The following CADM1 variants were observed in gnomAD, a reference collection of about 807,000 sequenced individuals.
CADM1 encodes the protein TSLC-1.
In CADM1, 15 loss-of-function variants were observed where a neutral mutation model predicts 53.1. The ratio of observed to expected loss-of-function variants is 0.28; its 90% CI spans 0.19 to 0.44. CADM1 has a LOEUF of 0.44. Ranked by LOEUF, CADM1 falls within the 20% of genes least tolerant of loss-of-function variation. The pLI is 1.00. For synonymous variants in CADM1, 281 were observed against 243.0 expected, an observed-to-expected ratio of 1.16 and a Z score of -1.45; for missense variants, 434 against 611.3, an observed-to-expected ratio of 0.71 and a Z score of 3.06.
intron 6 of CADM1, 32 bp from the exon 7 acceptor site, chr11:115,214,812 A>C: frequency 6.2e-7 from 1 of 1,608,204 alleles, no homozygotes; most frequent in Non-Finnish European, 8.5e-7. Context: ...GACAAGTCAC[A>C]TTATCATTCC....
At chr11:115,266,321 A>G (rs1435292453) in intron 1 of CADM1, among the ~76,000 whole-genome samples, 1 of 152,226 alleles carries the variant, frequency 6.6e-6, no homozygotes, top group Non-Finnish European at 1.5e-5. Flanking sequence ...ATAAACCAGC[A>G]TTTACAATGC....
chr11:115,328,403 T>C (rs1945015204), intron 1 of CADM1, among the ~76,000 whole-genome samples: 1 of 151,926 alleles, frequency 6.6e-6, no homozygotes, highest in African/African-American at 2.4e-5. Context: ...AAGTTATTGT[T>C]TGTAGATGAA....
intron 1 of CADM1, among the ~76,000 whole-genome samples, chr11:115,314,108 T>C (rs1288311445): frequency 7.5e-6 from 1 of 133,440 alleles, no homozygotes. Context: ...GGTCAACAAG[T>C]GAGTCCACTG....
At chr11:115,479,624 G>A (rs1026152412) in intron 1 of CADM1, among the ~76,000 whole-genome samples, 2 of 152,110 alleles carry the variant, frequency 1.3e-5, no homozygotes, top group Non-Finnish European at 2.9e-5. Flanking sequence ...AGTTACCAGG[G>A]CAACCATAAC....
intron 1 of CADM1, among the ~76,000 whole-genome samples, chr11:115,419,418 T>A (rs1277332882): frequency 1.3e-5 from 2 of 152,144 alleles, no homozygotes; most frequent in Admixed American, 6.6e-5. Flanking sequence ...ATCCAAAAAG[T>A]TTGTTTGTGA....
intron 1 of CADM1, among the ~76,000 whole-genome samples, chr11:115,414,302 T>C (rs1408184992): frequency 2.0e-5 from 3 of 152,180 alleles, no homozygotes; most frequent in African/African-American, 4.8e-5. Flanking sequence ...CCTAGTTATC[T>C]TAATATTCAT....
intron 1 of CADM1, among the ~76,000 whole-genome samples, chr11:115,267,033 T>C (rs927677390): frequency 2.6e-5 from 4 of 152,240 alleles, no homozygotes; most frequent in African/African-American, 9.6e-5. Flanking sequence ...CCTTTAACAA[T>C]TATGCACTGC....
At position 115,175,427 on chromosome 11, in the gene CADM1, G is replaced by C. The variant is rs1938983011; in HGVS notation, c.*1047C>G. 1 of 984,794 alleles carries C rather than the reference G, an allele frequency of 1.0e-6. No individual in the cohort carries two copies. Among genetic ancestry groups the C allele is most frequent in the South Asian group, 4.7e-5 (1 of 21,222 alleles). The allele number at this position is 984,794 out of a possible 1,614,324, so 61.0% of individuals were successfully genotyped here. ...CCATTCAGTCATTCGCACAACAGAC[G>C]AACTTGCTTTTTCCTACAAATTAGT... On this transcript the variant is annotated 3_prime_UTR_variant, in exon 12 of 12. Transcript: ENST00000331581.
intron 1 of CADM1, among the ~76,000 whole-genome samples, chr11:115,475,845 T>A (rs1949119047): frequency 6.6e-6 from 1 of 152,222 alleles, no homozygotes; most frequent in Non-Finnish European, 1.5e-5. Flanking sequence ...GTATATTGAC[T>A]GTGGTAATCA....
chr11:115,366,944 T>C (rs1946179211), intron 1 of CADM1, among the ~76,000 whole-genome samples: 1 of 152,260 alleles, frequency 6.6e-6, no homozygotes, highest in Non-Finnish European at 1.5e-5. Flanking sequence ...GTGTGGTCAA[T>C]GCTTCCTTTG....
intron 1 of CADM1, among the ~76,000 whole-genome samples, chr11:115,382,179 T>C (rs763147008): frequency 6.6e-6 from 1 of 152,112 alleles, no homozygotes; most frequent in Non-Finnish European, 1.5e-5. Flanking sequence ...TTAATATGTA[T>C]TAAAAGAAGA....
intron 1 of CADM1, among the ~76,000 whole-genome samples, chr11:115,255,433 C>T (rs1591646589): frequency 6.6e-6 from 1 of 152,312 alleles, no homozygotes; most frequent in Non-Finnish European, 1.5e-5. Context: ...GAATCTCAAA[C>T]TCACACGAGA....
chr11:115,398,054 C>CTACTCA (rs1358797431), intron 1 of CADM1, among the ~76,000 whole-genome samples: 1 of 152,174 alleles, frequency 6.6e-6, no homozygotes, highest in Non-Finnish European at 1.5e-5. Flanking sequence ...AAATCTTAAT[C>CTACTCA]TACTCATAAA....
rs56270694 is a variant in CADM1 at position 115,206,758 on chromosome 11, C to CTTTTTTTTTTTTT, written c.1078+2803_1078+2815dup. ...AAAAGAAATAGATGACTGTGGACTT[C>CTTTTTTTTTTTTT]TTTTTTTTTTTTTTTTTTTTTTTTT... On this transcript the variant is annotated intron_variant, in intron 8 of 11. Coordinates refer to ENST00000331581, the MANE Select transcript of CADM1 (RefSeq NM_001301043.2). Among the ~76,000 whole-genome samples the CTTTTTTTTTTTTT allele has an allele frequency of 5.4e-3, 207 of 38,220 alleles. 86 individuals carry two copies. The highest frequency in any genetic ancestry group is 8.6e-3 in the African/African-American group (89 of 10,344). The allele number at this position is 38,220 out of a possible 152,430, so 25.1% of individuals were successfully genotyped here. A position where few individuals can be genotyped will look rare whatever the true frequency, so the allele number is the denominator to read the frequency against.
chr11:115,495,637 C>T (rs1457511423), intron 1 of CADM1, among the ~76,000 whole-genome samples: 1 of 152,188 alleles, frequency 6.6e-6, no homozygotes, highest in Non-Finnish European at 1.5e-5. Flanking sequence ...ATTCCTAGAC[C>T]TGTCCCGATG....
At chr11:115,196,097 G>A (rs886270233) in intron 9 of CADM1, among the ~76,000 whole-genome samples, 2 of 151,988 alleles carry the variant, frequency 1.3e-5, no homozygotes, top group Non-Finnish European at 2.9e-5. Context: ...CTTGAACATC[G>A]TCTCCAAACT....
At position 115,171,669 on chromosome 11, in the gene CADM1, C is replaced by T. The variant is rs921325097; in HGVS notation, c.*4805G>A. 4 of 152,214 alleles carry T rather than the reference C, an allele frequency of 2.6e-5. No homozygotes were observed. The highest frequency in any genetic ancestry group is 5.9e-5 in the Non-Finnish European group (4 of 68,068). 9.4% of individuals were successfully genotyped at this position (152,214 alleles called of 1,614,324 possible). Reference sequence around the variant, plus strand: ...AAAGGCAAATGTACAGCAGTCACCACCTCCTGTCTGCCTCAGCTCAAGGAA... The same window carrying T: ...AAAGGCAAATGTACAGCAGTCACCATCTCCTGTCTGCCTCAGCTCAAGGAA... On this transcript the variant is annotated 3_prime_UTR_variant, in exon 12 of 12. Transcript: ENST00000331581.
At chr11:115,231,789 TC>T (rs1941823782) in intron 3 of CADM1, among the ~76,000 whole-genome samples, 6 of 152,050 alleles carry the variant, frequency 3.9e-5, no homozygotes, top group Non-Finnish European at 8.8e-5. Flanking sequence ...GAGTTTGATA[TC>T]AGCCTGACCA....
intron 1 of CADM1, among the ~76,000 whole-genome samples, chr11:115,279,692 T>G (rs774219275): frequency 3.9e-5 from 6 of 152,178 alleles, no homozygotes; most frequent in Admixed American, 6.5e-5. Flanking sequence ...TCCTCTATGG[T>G]AAATGATATC....
Sources: allele counts gnomAD v4.1 joint callset (sites outside exome capture counted in the v4.1 genomes callset), GRCh38; gene constraint gnomAD v4.1.1; transcripts MANE v1.5; gene names NCBI Gene and HGNC (gene_info 2026-07-23, HGNC 2026-07-21).